Variants in QTMAN observed in about 807,000 individuals in gnomAD.
The protein encoded by QTMAN is tRNA-queuosine alpha-mannosyltransferase.
the QTMAN span, among the ~76,000 whole-genome samples, chr2:144,192,201 G>A: frequency 6.6e-6 from 1 of 151,948 alleles, no homozygotes; most frequent in Non-Finnish European, 1.5e-5. Flanking sequence ...CTGCCTCTCA[G>A]GTTCAAGTGA....
the QTMAN span, among the ~76,000 whole-genome samples, chr2:144,182,829 A>ATATATATATTATATATAT: frequency 1.6e-5 from 1 of 61,176 alleles, no homozygotes; most frequent in East Asian, 4.7e-4. Flanking sequence ...TATATATATA[A>ATATATATATTATATATAT]TATATATATA....
At chr2:144,133,151 A>ATATATT in the QTMAN span, among the ~76,000 whole-genome samples, 3 of 51,394 alleles carry the variant, frequency 5.8e-5, no homozygotes, top group Admixed American at 1.1e-3. Flanking sequence ...ATATATATAT[A>ATATATT]ATATAATATA....
the QTMAN span, chr2:143,947,074 G>A: frequency 3.7e-6 from 6 of 1,613,610 alleles, no homozygotes; most frequent in Middle Eastern, 1.7e-4. Context: ...CCTAGGTTCT[G>A]TTGTAAGCAG....
chr2:144,054,070 C>A, the QTMAN span, among the ~76,000 whole-genome samples: 2 of 151,974 alleles, frequency 1.3e-5, no homozygotes, highest in East Asian at 3.9e-4. Context: ...CGCCTGTAGT[C>A]CCAGCTACTC....
At chr2:144,028,612 G>A in the QTMAN span, among the ~76,000 whole-genome samples, 30 of 152,214 alleles carry the variant, frequency 2.0e-4, no homozygotes, top group Admixed American at 2.6e-4. Flanking sequence ...CGCTTCCACC[G>A]ATGAGCAGAA....
the QTMAN span, among the ~76,000 whole-genome samples, chr2:144,184,347 CT>C: frequency 3.3e-5 from 5 of 151,962 alleles, no homozygotes; most frequent in African/African-American, 1.2e-4. Context: ...GAAATATTTT[CT>C]TTTAGAGAGC....
chr2:144,177,204 T>C, the QTMAN span: 11 of 700,374 alleles, frequency 1.6e-5, no homozygotes, highest in Non-Finnish European at 2.6e-5. Flanking sequence ...TATCCAGACA[T>C]GAAGAGTCAA....
the QTMAN span, among the ~76,000 whole-genome samples, chr2:144,079,715 CA>C: frequency 6.6e-6 from 1 of 151,776 alleles, no homozygotes; most frequent in Non-Finnish European, 1.5e-5. Flanking sequence ...ATGATTCACA[CA>C]AAAAAATGAA....
the QTMAN span, among the ~76,000 whole-genome samples, chr2:144,107,460 G>A: frequency 6.6e-6 from 1 of 152,194 alleles, no homozygotes; most frequent in Non-Finnish European, 1.5e-5. Flanking sequence ...ACTACCATCA[G>A]AGAATACTAC....
At chr2:144,308,954 G>A in the QTMAN span, among the ~76,000 whole-genome samples, 3 of 152,092 alleles carry the variant, frequency 2.0e-5, no homozygotes, top group Non-Finnish European at 2.9e-5. Context: ...TTTTTTAATG[G>A]ACAAAAGATT....
the QTMAN span, among the ~76,000 whole-genome samples, chr2:144,015,153 G>A: frequency 6.6e-6 from 1 of 152,080 alleles, no homozygotes; most frequent in Non-Finnish European, 1.5e-5. Flanking sequence ...TACCTTACAT[G>A]TTGCCAGAAC....
chr2:144,328,139 T>G, the QTMAN span, among the ~76,000 whole-genome samples: 2 of 152,038 alleles, frequency 1.3e-5, no homozygotes, highest in African/African-American at 2.4e-5. Context: ...TTAGTAGAGA[T>G]GGGGTTTCAC....
chr2:144,058,481 G>T, the QTMAN span, among the ~76,000 whole-genome samples: 1 of 151,970 alleles, frequency 6.6e-6, no homozygotes, highest in African/African-American at 2.4e-5. Flanking sequence ...ATATCACTAG[G>T]TCTATTAATA....
the QTMAN span, chr2:143,940,718 C>G: frequency 6.6e-6 from 1 of 152,350 alleles, no homozygotes; most frequent in Non-Finnish European, 1.5e-5. Flanking sequence ...GCCACCTGCT[C>G]CCTCTGCTCT....
the QTMAN span, among the ~76,000 whole-genome samples, chr2:144,303,732 A>G: frequency 1.3e-5 from 2 of 152,344 alleles, no homozygotes; most frequent in South Asian, 4.1e-4. Flanking sequence ...ACTTCATACC[A>G]TAATCAACCA....
the QTMAN span, among the ~76,000 whole-genome samples, chr2:144,313,777 G>GTT: frequency 6.9e-6 from 1 of 144,198 alleles, no homozygotes; most frequent in Non-Finnish European, 1.5e-5. Flanking sequence ...TATCATTAGA[G>GTT]TTTTTTTTTT....
the QTMAN span, among the ~76,000 whole-genome samples, chr2:144,017,185 A>G: frequency 6.6e-6 from 1 of 152,002 alleles, no homozygotes; most frequent in Non-Finnish European, 1.5e-5. Flanking sequence ...TTGTATTTTT[A>G]GTAGAGACGG....
the QTMAN span, among the ~76,000 whole-genome samples, chr2:144,066,797 C>T: frequency 2.0e-5 from 3 of 152,186 alleles, no homozygotes; most frequent in African/African-American, 7.2e-5. Flanking sequence ...GCCTAGGTGA[C>T]TGCACAAAAT....
At chr2:144,060,324 G>A in the QTMAN span, among the ~76,000 whole-genome samples, 31 of 151,684 alleles carry the variant, frequency 2.0e-4, no homozygotes, top group Admixed American at 1.3e-4. Context: ...GCAATGGCAC[G>A]ATCTCGGCTC....
Sources: allele counts gnomAD v4.1 joint callset (sites outside exome capture counted in the v4.1 genomes callset), GRCh38; gene constraint gnomAD v4.1.1; transcripts MANE v1.5; gene names NCBI Gene and HGNC (gene_info 2026-07-23, HGNC 2026-07-21).